The following RASGRF1 variants were observed in gnomAD, a reference collection of about 807,000 sequenced individuals.
The protein encoded by RASGRF1 is ras-specific guanine nucleotide-releasing factor 1.
A neutral mutation model predicts 138.7 loss-of-function variants in RASGRF1; 40 were observed. The ratio of observed to expected loss-of-function variants is 0.29; its 90% confidence interval spans 0.22 to 0.38. The LOEUF (loss-of-function observed/expected upper bound fraction) is 0.38. Among genes scored for constraint, RASGRF1 ranks in the 10% least tolerant of loss-of-function variants. The pLI is 1.00. For synonymous variants in RASGRF1, 614 were observed against 663.2 expected (o/e 0.93, Z 1.14); for missense variants, 1,108 against 1,650.4 (o/e 0.67, Z 5.69).
At chr15:79,040,218 GA>G (rs1463910496) in intron 5 of RASGRF1, among the ~76,000 whole-genome samples, 1 of 151,866 alleles carries the variant, frequency 6.6e-6, no homozygotes, top group Non-Finnish European at 1.5e-5. Context: ...CGGAACCTGG[GA>G]ATCACCTATC....
chr15:78,997,965 T>A lies in RASGRF1; in HGVS notation c.2966+131A>T. 4.1e-6 allele frequency: 3 copies of A among 726,854 alleles called. No individual in the cohort carries two copies. The South Asian group carries it at 4.9e-5, about 12-fold the overall frequency. 45.0% of individuals were successfully genotyped at this position (726,854 alleles called of 1,614,324 possible). On this transcript the variant is annotated intron_variant, in intron 19 of 26. Coordinates refer to ENST00000558480, the MANE Select transcript of RASGRF1 (RefSeq NM_001145648.3). ...CAAGAGCTCACCTCTACCCCAGCAC[T>A]CCTACTTGGGGCTGTCCTTGACAAG...
chr15:79,075,525 G>A (rs2057821512), intron 1 of RASGRF1, among the ~76,000 whole-genome samples: 2 of 152,140 alleles, frequency 1.3e-5, no homozygotes, highest in Non-Finnish European at 2.9e-5. Context: ...AGCTGGGGCT[G>A]GGGGCTTGAA....
At chr15:79,023,389 C>T (rs2140985156) in intron 10 of RASGRF1, among the ~76,000 whole-genome samples, 1 of 152,280 alleles carries the variant, frequency 6.6e-6, no homozygotes, top group Admixed American at 6.5e-5. Flanking sequence ...GAAGTGTGGA[C>T]AGGGGCAGGA....
chr15:79,069,528 C>T (rs1443321986), intron 1 of RASGRF1, among the ~76,000 whole-genome samples: 3 of 152,232 alleles, frequency 2.0e-5, no homozygotes, highest in Admixed American at 6.5e-5. Context: ...TTCTCTGTGC[C>T]AACCAATTTC....
chr15:79,060,001 C>G (rs1449176989), intron 2 of RASGRF1, among the ~76,000 whole-genome samples: 2 of 102,332 alleles, frequency 2.0e-5, no homozygotes, highest in Non-Finnish European at 4.3e-5. Flanking sequence ...GACACACACA[C>G]ACACACACAC....
rs2057078651 is a variant in RASGRF1, at chr15:79,027,650, A to T, written c.1381+91T>A. On this transcript the variant is annotated intron_variant, in intron 9 of 26. Transcript: ENST00000558480. The surrounding 1 kb of genome is among the most constrained non-coding windows in gnomAD (Gnocchi z 4.8). ...GGCAGGTCTTGGCATGTGGCAGCCA[A>T]ACCAACTGGTGGCGTCCCCGAGTGC... 1 of 1,223,518 alleles carries T rather than the reference A, an allele frequency of 8.2e-7. No individual in the cohort carries two copies. Among genetic ancestry groups the T allele is most frequent in the East Asian group, 2.3e-5 (1 of 42,616 alleles). The allele number at this position is 1,223,518 out of a possible 1,614,324, so 75.8% of individuals were successfully genotyped here. A position where few individuals can be genotyped will look rare whatever the true frequency, so the allele number is the denominator to read the frequency against.
intron 5 of RASGRF1, among the ~76,000 whole-genome samples, chr15:79,043,441 C>A (rs1262864431): frequency 6.6e-6 from 1 of 152,166 alleles, no homozygotes; most frequent in African/African-American, 2.4e-5. Flanking sequence ...CTACGCTGGG[C>A]TCTGTGCTAA....
At position 78,999,885 on chromosome 15, in the gene RASGRF1, T is replaced by A; in HGVS notation, c.2604A>T (p.Gly868=). 1 of 1,614,106 alleles carries A rather than the reference T, an allele frequency of 6.2e-7. No individual in the cohort carries two copies. The highest frequency in any genetic ancestry group is 8.5e-7 in the Non-Finnish European group (1 of 1,179,980). ...GTTCACGACAGGAGGTCATGACGAC[T>A]CCATTGTTATAGGAAAAGAGTGGGA... ...SEFPLFSYNN[G]VVMTSCRELD... is the part of the protein sequence containing the mutation. The change falls in exon 17 of 27, where the codon GGA becomes GGT. Residue 868 remains glycine (G), a synonymous_variant. Transcript: ENST00000558480.
chr15:79,052,970 G>T (rs2057453022), intron 3 of RASGRF1, among the ~76,000 whole-genome samples: 1 of 152,214 alleles, frequency 6.6e-6, no homozygotes, highest in Non-Finnish European at 1.5e-5. Context: ...AAGTGTGTTT[G>T]CAAAACTGAT....
intron 1 of RASGRF1, among the ~76,000 whole-genome samples, chr15:79,072,267 CTTTTT>C (rs758415767): frequency 0.029 from 1,805 of 61,382 alleles, 41 homozygotes; most frequent in African/African-American, 0.091. Flanking sequence ...GATAAACAAT[CTTTTT>C]TTTTTTTTTT....
rs145647347 is a variant in RASGRF1 at position 79,024,912 on chromosome 15, G to A, written c.1542+402C>T. ...ACACCACGCACACATACACACACAC[G>A]CATATACACATACACACACACCACA... is the stretch of plus-strand genomic sequence containing the variant. On this transcript the variant is annotated intron_variant, in intron 10 of 26. Transcript: ENST00000558480. 5.1e-3 allele frequency among the ~76,000 whole-genome samples: 764 copies of A among 150,590 alleles called. 6 individuals carry two copies. The highest frequency in any genetic ancestry group is 0.016 in the African/African-American group (659 of 41,014).
chr15:79,058,351 C>G lies in RASGRF1; in HGVS notation c.514G>C (p.Glu172Gln). 1.9e-6 allele frequency: 3 copies of G among 1,613,738 alleles called. No individual in the cohort carries two copies. The highest frequency in any genetic ancestry group is 3.3e-4 in the Middle Eastern group (2 of 6,046). Reference sequence around the variant, plus strand: ...GCAGTCACCTCTGCCTTCAGCCGCTCGATCTCGATCTCCCCATCCTCGATC... The same window carrying G: ...GCAGTCACCTCTGCCTTCAGCCGCTGGATCTCGATCTCCCCATCCTCGATC... Reference protein sequence around the residue: ...QQIEDGEIEIERLKAEITSLL... With the variant: ...QQIEDGEIEIQRLKAEITSLL... Residue 172 changes from glutamate to glutamine, a missense_variant, in exon 3 of 27, where the codon GAG becomes CAG. Glu to Gln is a conservative substitution (Grantham distance 29, BLOSUM62 2). Transcript: ENST00000558480.
At chr15:79,004,819 T>C (rs2056634528) in intron 14 of RASGRF1, 1 of 985,506 alleles carries the variant, frequency 1.0e-6, no homozygotes, top group Non-Finnish European at 1.2e-6. Flanking sequence ...CTGCTCCACG[T>C]TGCACACAGG....
intron 5 of RASGRF1, among the ~76,000 whole-genome samples, chr15:79,042,654 A>G (rs1280893776): frequency 6.6e-6 from 1 of 152,168 alleles, no homozygotes; most frequent in South Asian, 2.1e-4. Flanking sequence ...CTAGGTTACA[A>G]TCCCAGCCTG....
chr15:79,032,185 C>G lies in RASGRF1; in HGVS notation c.1090G>C (p.Glu364Gln). ...RDFDKLLKHYEAKPDCEERTL... is the reference protein window; with the variant it reads ...RDFDKLLKHYQAKPDCEERTL... ...CTCTCCTCGCAGTCAGGCTTGGCCT[C>G]GTAGTGCTTCAGCAGCTTGTCGAAG... The change falls in exon 7 of 27, where the codon GAG becomes CAG. Residue 364 changes from glutamate to glutamine, a missense_variant. Physicochemically the swap from Glu to Gln is conservative, Grantham distance 29 (BLOSUM62 2). Coordinates refer to ENST00000558480, the MANE Select transcript of RASGRF1 (RefSeq NM_001145648.3). This position sits in a 1 kb window ranked among gnomAD's most constrained non-coding sequence, Gnocchi z 4.5. 6.2e-7 allele frequency: 1 copy of G among 1,614,082 alleles called. No homozygotes were observed. Among genetic ancestry groups the G allele is most frequent in the Non-Finnish European group, 8.5e-7 (1 of 1,179,982 alleles).
At chr15:78,978,448 C>T in intron 24 of RASGRF1, 1 of 887,062 alleles carries the variant, frequency 1.1e-6, no homozygotes, top group Non-Finnish European at 1.4e-6. Context: ...TGGTTTCTAG[C>T]TCCTGACCTC....
intron 1 of RASGRF1, among the ~76,000 whole-genome samples, chr15:79,065,911 G>A: frequency 6.6e-6 from 1 of 151,860 alleles, no homozygotes; most frequent in Non-Finnish European, 1.5e-5. Flanking sequence ...TGTGAAGTGG[G>A]GGGCGGGGGG....
chr15:79,037,740 T>C (rs1038500593), intron 5 of RASGRF1, among the ~76,000 whole-genome samples: 2 of 152,104 alleles, frequency 1.3e-5, no homozygotes, highest in African/African-American at 4.8e-5. Flanking sequence ...ATTACAGGCG[T>C]GAGCCACCAT....
intron 1 of RASGRF1, among the ~76,000 whole-genome samples, chr15:79,069,339 C>G (rs141293728): frequency 6.6e-5 from 10 of 152,312 alleles, no homozygotes; most frequent in Non-Finnish European, 1.5e-4. Flanking sequence ...CCTTTGTGGG[C>G]ACTTGTGACA....
Sources: allele counts gnomAD v4.1 joint callset (sites outside exome capture counted in the v4.1 genomes callset), GRCh38; gene constraint gnomAD v4.1.1; non-coding constraint Gnocchi (gnomAD v3.1); transcripts MANE v1.5; gene names NCBI Gene and HGNC (gene_info 2026-07-23, HGNC 2026-07-21).